The following DRC9 variants were observed in gnomAD, a reference collection of about 807,000 sequenced individuals.
DRC9 encodes dynein regulatory complex protein 9.
chr3:197,926,170 C>A, the DRC9 span: 1 of 850,636 alleles, frequency 1.2e-6, no homozygotes, highest in South Asian at 1.4e-5. Flanking sequence ...GCACAAGGAC[C>A]ACCCCGCACA....
the DRC9 span, chr3:197,891,445 C>G: frequency 6.5e-7 from 1 of 1,528,174 alleles, no homozygotes; most frequent in Non-Finnish European, 9.1e-7. Context: ...TGGTTCTTTA[C>G]CTTTATAACG....
chr3:197,932,460 C>T, the DRC9 span, among the ~76,000 whole-genome samples: 1 of 151,650 alleles, frequency 6.6e-6, no homozygotes, highest in South Asian at 2.1e-4. Context: ...TGGTAAAACC[C>T]CATCCCTACT....
the DRC9 span, among the ~76,000 whole-genome samples, chr3:197,922,747 T>TAAATAA: frequency 5.3e-3 from 776 of 145,582 alleles, 2 homozygotes; most frequent in African/African-American, 0.014. Flanking sequence ...TAAATAAATA[T>TAAATAA]CTTCTATTTT....
chr3:197,950,938 C>T, the DRC9 span: 13 of 1,614,024 alleles, frequency 8.1e-6, no homozygotes, highest in Non-Finnish European at 9.3e-6. Flanking sequence ...GTTTTAAGGC[C>T]TGCTGGGAAC....
At chr3:197,914,383 G>A in the DRC9 span, among the ~76,000 whole-genome samples, 1 of 152,216 alleles carries the variant, frequency 6.6e-6, no homozygotes, top group South Asian at 2.1e-4. Context: ...GCCTCCAGCT[G>A]TGTGAACTTG....
At chr3:197,892,561 CCCTCCTCAGTGAGCACCCTAATTCCTTT>C in the DRC9 span, 1 of 1,585,402 alleles carries the variant, frequency 6.3e-7, no homozygotes, top group East Asian at 2.2e-5. Flanking sequence ...TCCTTCCACT[CCCTCCTCAGTGAGCACCCTAATTCCTTT>C]CACTCTGTCC....
At chr3:197,925,188 G>A in the DRC9 span, among the ~76,000 whole-genome samples, 2 of 148,686 alleles carry the variant, frequency 1.3e-5, no homozygotes, top group African/African-American at 5.0e-5. Flanking sequence ...TATGTGGGGT[G>A]GGATATGACG....
chr3:197,958,555 A>T, the DRC9 span: 1 of 152,216 alleles, frequency 6.6e-6, no homozygotes, highest in Non-Finnish European at 1.5e-5. Flanking sequence ...ATCCATGAAG[A>T]CAGATGGGTA....
At chr3:197,891,503 CT>C in the DRC9 span, 1 of 1,605,686 alleles carries the variant, frequency 6.2e-7, no homozygotes, top group Non-Finnish European at 8.5e-7. Context: ...TGCTCCTCTC[CT>C]TTTCTATACG....
At chr3:197,950,348 A>G in the DRC9 span, 1 of 1,223,820 alleles carries the variant, frequency 8.2e-7, no homozygotes, top group South Asian at 4.2e-5. Flanking sequence ...GGTTTCAAGA[A>G]GAGGGAGAAC....
chr3:197,950,037 G>A, the DRC9 span: 2 of 967,074 alleles, frequency 2.1e-6, no homozygotes, highest in Admixed American at 8.6e-5. Flanking sequence ...AAGGACTTAG[G>A]AAAATAATTG....
chr3:197,955,981 G>T, the DRC9 span: 1 of 565,920 alleles, frequency 1.8e-6, no homozygotes, highest in Admixed American at 2.8e-5. Flanking sequence ...TTTAATGCGA[G>T]TATCTTTGAC....
At chr3:197,899,647 C>T in the DRC9 span, among the ~76,000 whole-genome samples, 3 of 151,690 alleles carry the variant, frequency 2.0e-5, no homozygotes, top group Non-Finnish European at 2.9e-5. Flanking sequence ...GATAAGATAT[C>T]AAAAGGAAAA....
chr3:197,932,973 T>C, the DRC9 span, among the ~76,000 whole-genome samples: 1 of 128,124 alleles, frequency 7.8e-6, no homozygotes, highest in Non-Finnish European at 1.6e-5. Context: ...TATATTATAT[T>C]ATATTGTATT....
At chr3:197,943,710 A>T in the DRC9 span, 1 of 1,248,058 alleles carries the variant, frequency 8.0e-7, no homozygotes, top group South Asian at 1.3e-5. Context: ...ATTTAATGGG[A>T]TAGGTACTAT....
At chr3:197,910,965 G>A in the DRC9 span, among the ~76,000 whole-genome samples, 13 of 137,300 alleles carry the variant, frequency 9.5e-5, no homozygotes, top group Non-Finnish European at 1.7e-4. Context: ...AAGCAAGACT[G>A]CATCTCAAAA....
the DRC9 span, among the ~76,000 whole-genome samples, chr3:197,947,837 C>G: frequency 6.6e-6 from 1 of 151,854 alleles, no homozygotes; most frequent in South Asian, 2.1e-4. Flanking sequence ...AGGCAATTCT[C>G]TCCAAACGTC....
At chr3:197,916,487 G>A in the DRC9 span, 2 of 152,242 alleles carry the variant, frequency 1.3e-5, no homozygotes, top group Admixed American at 1.3e-4. Flanking sequence ...TCACTGTGTT[G>A]CCCAGGCTGG....
the DRC9 span, chr3:197,956,575 T>C: frequency 4.0e-5 from 6 of 151,656 alleles, no homozygotes; most frequent in Non-Finnish European, 8.8e-5. Context: ...TTTAGATTTC[T>C]TGGGGATATG....
Sources: allele counts gnomAD v4.1 joint callset (sites outside exome capture counted in the v4.1 genomes callset), GRCh38; gene constraint gnomAD v4.1.1; transcripts MANE v1.5; gene names NCBI Gene and HGNC (gene_info 2026-07-23, HGNC 2026-07-21).